The following ACYP2 variants were observed in gnomAD, a reference collection of about 807,000 sequenced individuals.
The protein encoded by ACYP2 is acylphosphatase-2.
In ACYP2, 12 loss-of-function variants were observed where a neutral mutation model predicts 11.2. That is an observed-to-expected ratio of 1.08 (90% CI 0.69 to 1.74). The LOEUF is 1.74. ACYP2 is among the 40% of genes most tolerant of loss of function. The probability of loss-of-function intolerance (pLI) is 0.00; values close to 1 mark genes in which losing one functional copy is unlikely to be tolerated. For synonymous variants in ACYP2, 43 were observed against 32.2 expected, an observed-to-expected ratio of 1.33 and a Z score of -1.13; for missense variants, 134 against 101.9, an observed-to-expected ratio of 1.31 and a Z score of -1.35.
At chr2:54,259,279 A>G (rs1017191307) in intron 6 of ACYP2, among the ~76,000 whole-genome samples, 2 of 152,258 alleles carry the variant, frequency 1.3e-5, no homozygotes, top group East Asian at 1.9e-4. Context: ...CCAAGTGGGC[A>G]TAATGAGTTT....
At chr2:54,123,407 A>G in intron 4 of ACYP2, 1 of 398,624 alleles carries the variant, frequency 2.5e-6, no homozygotes, top group Non-Finnish European at 4.4e-6. Context: ...TTCTACAAAT[A>G]GAGGTAGGAA....
chr2:54,230,172 C>A (rs1686170495), intron 6 of ACYP2, among the ~76,000 whole-genome samples: 1 of 152,166 alleles, frequency 6.6e-6, no homozygotes, highest in Non-Finnish European at 1.5e-5. Context: ...TATAGAGAAT[C>A]CCCTTCCCCT....
At chr2:54,168,435 CAAAATAAAATAGAATAGAAT>C (rs1453397156) in intron 6 of ACYP2, among the ~76,000 whole-genome samples, 1 of 151,584 alleles carries the variant, frequency 6.6e-6, no homozygotes, top group Non-Finnish European at 1.5e-5. Context: ...CAAAACCAAA[CAAAATAAAATAGAATAGAAT>C]AAAATAAAAT....
chr2:54,195,967 T>C (rs972419735), intron 6 of ACYP2, among the ~76,000 whole-genome samples: 5 of 151,840 alleles, frequency 3.3e-5, no homozygotes, highest in Non-Finnish European at 5.9e-5. Flanking sequence ...TCAGCTAATT[T>C]TTGTATTTTT....
At chr2:54,084,442 G>A (rs1490203615) in intron 4 of ACYP2, 1 of 152,432 alleles carries the variant, frequency 6.6e-6, no homozygotes, top group Non-Finnish European at 1.5e-5. Flanking sequence ...CTACAGGAAT[G>A]CGCCACGCCC....
chr2:54,261,258 A>G (rs899217352), intron 6 of ACYP2, among the ~76,000 whole-genome samples: 3 of 152,196 alleles, frequency 2.0e-5, no homozygotes, highest in African/African-American at 4.8e-5. Context: ...ATAATATACA[A>G]TTTCAACTTT....
At chr2:54,064,075 G>C (rs2103636376) in intron 4 of ACYP2, among the ~76,000 whole-genome samples, 1 of 152,138 alleles carries the variant, frequency 6.6e-6, no homozygotes, top group Admixed American at 6.5e-5. Context: ...TCTTGAACTT[G>C]GGCTCAAGTG....
At chr2:54,285,742 G>A (rs1325474248) in intron 6 of ACYP2, among the ~76,000 whole-genome samples, 1 of 152,230 alleles carries the variant, frequency 6.6e-6, no homozygotes, top group East Asian at 1.9e-4. Context: ...TTGTGTGGCA[G>A]CTGCTAGAAA....
chr2:54,127,292 C>T (rs1487519809), intron 4 of ACYP2, among the ~76,000 whole-genome samples: 1 of 152,196 alleles, frequency 6.6e-6, no homozygotes, highest in African/African-American at 2.4e-5. Context: ...TGCATGCACT[C>T]ATATACAGAC....
chr2:54,298,783 ACT>A (rs1427508738), intron 6 of ACYP2, among the ~76,000 whole-genome samples: 2 of 152,088 alleles, frequency 1.3e-5, no homozygotes, highest in African/African-American at 4.8e-5. Context: ...AGTCTTACTC[ACT>A]CTGTCGCCTA....
intron 4 of ACYP2, among the ~76,000 whole-genome samples, chr2:54,126,954 CAA>C (rs144107260): frequency 8.1e-5 from 10 of 123,384 alleles, no homozygotes; most frequent in East Asian, 2.4e-4. Flanking sequence ...AACTCCGTCT[CAA>C]AAAAAAAAAA....
chr2:54,164,002 T>A (rs1307744121), intron 6 of ACYP2, among the ~76,000 whole-genome samples: 2 of 152,228 alleles, frequency 1.3e-5, no homozygotes, highest in Admixed American at 1.3e-4. Context: ...ATAAAACTTA[T>A]GCCTGTGAAA....
intron 6 of ACYP2, chr2:54,256,257 C>T (rs1022491666): frequency 1.3e-5 from 17 of 1,340,992 alleles, no homozygotes; most frequent in African/African-American, 1.5e-5. Flanking sequence ...ATTTGCGCCG[C>T]CCACTCTTCA....
intron 6 of ACYP2, among the ~76,000 whole-genome samples, chr2:54,274,451 G>GGCA (rs1688454633): frequency 6.6e-6 from 1 of 151,694 alleles, no homozygotes; most frequent in Non-Finnish European, 1.5e-5. Flanking sequence ...GACCAGCCTG[G>GGCA]GCAACATAGT....
chr2:54,097,219 A>C lies in ACYP2; in HGVS notation c.278-38234A>C, dbSNP rs139003589. ...CCCCACTCCTGGTCCTTCTTAACCC[A>C]CTTATTTCCTCACAGCACTTACCCA... On this transcript the variant is annotated intron_variant, in intron 4 of 6. Coordinates refer to ENST00000607452, the MANE Select transcript of ACYP2 (RefSeq NM_001320586.2). Among the ~76,000 whole-genome samples the C allele has an allele frequency of 3.9e-4, 60 of 152,224 alleles. 1 individual carries two copies. Among genetic ancestry groups the C allele is most frequent in the African/African-American group, 1.4e-3 (57 of 41,542 alleles).
At chr2:54,078,343 A>G (rs992453768) in intron 4 of ACYP2, among the ~76,000 whole-genome samples, 1 of 149,676 alleles carries the variant, frequency 6.7e-6, no homozygotes, top group African/African-American at 2.5e-5. Flanking sequence ...AAGAAGTGAT[A>G]TCTTCCTAAA....
intron 6 of ACYP2, among the ~76,000 whole-genome samples, chr2:54,263,075 TA>T (rs918147281): frequency 2.0e-5 from 3 of 152,104 alleles, no homozygotes; most frequent in African/African-American, 7.2e-5. Flanking sequence ...TGAATTGCTA[TA>T]AAAAAATACT....
At chr2:54,277,818 T>G (rs1300707988) in intron 6 of ACYP2, among the ~76,000 whole-genome samples, 3 of 152,194 alleles carry the variant, frequency 2.0e-5, no homozygotes, top group African/African-American at 7.2e-5. Flanking sequence ...TTACCTTACC[T>G]TTATGTAATA....
chr2:54,152,671 A>C (rs998879258), intron 6 of ACYP2, among the ~76,000 whole-genome samples: 1 of 152,124 alleles, frequency 6.6e-6, no homozygotes, highest in Non-Finnish European at 1.5e-5. Flanking sequence ...CATTGGCTTC[A>C]TTCACTTAGA....
Sources: allele counts gnomAD v4.1 joint callset (sites outside exome capture counted in the v4.1 genomes callset), GRCh38; gene constraint gnomAD v4.1.1; transcripts MANE v1.5; gene names NCBI Gene and HGNC (gene_info 2026-07-23, HGNC 2026-07-21).